Variants in ARB2A observed in about 807,000 individuals in gnomAD.
ARB2A encodes cotranscriptional regulator ARB2A.
chr5:93,670,842 T>C, the ARB2A span, among the ~76,000 whole-genome samples: 1 of 152,236 alleles, frequency 6.6e-6, no homozygotes, highest in African/African-American at 2.4e-5. Flanking sequence ...ATTATACACT[T>C]TACAATGCTG....
At chr5:93,768,862 G>A in the ARB2A span, among the ~76,000 whole-genome samples, 1 of 151,894 alleles carries the variant, frequency 6.6e-6, no homozygotes, top group African/African-American at 2.4e-5. Context: ...GAGAGTACAG[G>A]TATGAGCCAC....
the ARB2A span, among the ~76,000 whole-genome samples, chr5:93,877,606 T>C: frequency 6.6e-6 from 1 of 152,106 alleles, no homozygotes; most frequent in South Asian, 2.1e-4. Flanking sequence ...TGGAGAGGCA[T>C]GAAAATAATT....
At chr5:93,770,896 T>C in the ARB2A span, among the ~76,000 whole-genome samples, 3 of 152,092 alleles carry the variant, frequency 2.0e-5, no homozygotes, top group South Asian at 2.1e-4. Context: ...ATTTATAGAT[T>C]CAATGCCATC....
At chr5:93,951,881 C>T in the ARB2A span, among the ~76,000 whole-genome samples, 2 of 152,056 alleles carry the variant, frequency 1.3e-5, no homozygotes, top group African/African-American at 4.8e-5. Context: ...TTCCTAAATG[C>T]CTAAAAGATT....
At chr5:93,767,155 G>A in the ARB2A span, among the ~76,000 whole-genome samples, 5 of 152,102 alleles carry the variant, frequency 3.3e-5, no homozygotes, top group South Asian at 4.1e-4. Flanking sequence ...TAACCTGCAC[G>A]TTGTGCACAT....
chr5:93,720,734 A>G, the ARB2A span, among the ~76,000 whole-genome samples: 1 of 152,234 alleles, frequency 6.6e-6, no homozygotes, highest in Non-Finnish European at 1.5e-5. Context: ...TAACTTTAAC[A>G]GAGTGAGAAA....
the ARB2A span, among the ~76,000 whole-genome samples, chr5:93,704,444 G>A: frequency 1.3e-5 from 2 of 152,154 alleles, no homozygotes; most frequent in Non-Finnish European, 1.5e-5. Flanking sequence ...TGCACCTGTA[G>A]TTCCAGCTAC....
At chr5:94,059,484 G>A in the ARB2A span, among the ~76,000 whole-genome samples, 2 of 151,826 alleles carry the variant, frequency 1.3e-5, no homozygotes, top group Admixed American at 6.6e-5. Context: ...AGCTGGGTGT[G>A]GTGGCACGCG....
At chr5:93,804,660 T>A in the ARB2A span, among the ~76,000 whole-genome samples, 2 of 151,836 alleles carry the variant, frequency 1.3e-5, no homozygotes, top group South Asian at 4.2e-4. Context: ...ATATATATAT[T>A]GTTCATTTAT....
the ARB2A span, chr5:93,735,497 G>A: frequency 6.6e-6 from 1 of 152,344 alleles, no homozygotes; most frequent in South Asian, 2.1e-4. Flanking sequence ...AGGAGCAGCT[G>A]AGGTCAGTGC....
chr5:94,042,941 T>C, the ARB2A span, among the ~76,000 whole-genome samples: 2 of 152,184 alleles, frequency 1.3e-5, no homozygotes, highest in Non-Finnish European at 2.9e-5. Flanking sequence ...AATTGTTACA[T>C]AAAATCACTG....
At chr5:93,876,702 G>C in the ARB2A span, among the ~76,000 whole-genome samples, 4 of 151,722 alleles carry the variant, frequency 2.6e-5, no homozygotes, top group South Asian at 6.2e-4. Flanking sequence ...AAATAAAATA[G>C]TTTCAGAAAT....
the ARB2A span, among the ~76,000 whole-genome samples, chr5:93,998,163 C>CATCT: frequency 6.6e-5 from 10 of 152,028 alleles, no homozygotes; most frequent in East Asian, 1.7e-3. Context: ...TGAGAAGGCC[C>CATCT]ATCTGCACAT....
At chr5:93,855,903 A>G in the ARB2A span, among the ~76,000 whole-genome samples, 1 of 152,018 alleles carries the variant, frequency 6.6e-6, no homozygotes, top group Non-Finnish European at 1.5e-5. Flanking sequence ...TAAAAAGCAG[A>G]GCACCTCTCC....
the ARB2A span, among the ~76,000 whole-genome samples, chr5:93,762,930 A>C: frequency 1.3e-5 from 2 of 152,208 alleles, no homozygotes; most frequent in Non-Finnish European, 2.9e-5. Flanking sequence ...TTCAACCCAG[A>C]ATTTCATATC....
chr5:93,695,716 C>A, the ARB2A span, among the ~76,000 whole-genome samples: 1 of 152,252 alleles, frequency 6.6e-6, no homozygotes, highest in East Asian at 1.9e-4. Context: ...AATCATTCTA[C>A]CAGAAAGACA....
the ARB2A span, among the ~76,000 whole-genome samples, chr5:93,721,440 C>A: frequency 2.6e-5 from 4 of 152,114 alleles, no homozygotes; most frequent in African/African-American, 9.7e-5. Context: ...TAGCATTAGT[C>A]TGCTCTTTTT....
the ARB2A span, among the ~76,000 whole-genome samples, chr5:93,996,667 CT>C: frequency 6.6e-6 from 1 of 152,000 alleles, no homozygotes; most frequent in African/African-American, 2.4e-5. Context: ...AACTGCTTCC[CT>C]AAAATTAGAT....
the ARB2A span, among the ~76,000 whole-genome samples, chr5:93,801,091 C>G: frequency 6.6e-6 from 1 of 152,102 alleles, no homozygotes; most frequent in Non-Finnish European, 1.5e-5. Context: ...ATGAATCACA[C>G]TAACTCTTGA....
Sources: allele counts gnomAD v4.1 joint callset (sites outside exome capture counted in the v4.1 genomes callset), GRCh38; gene constraint gnomAD v4.1.1; transcripts MANE v1.5; gene names NCBI Gene and HGNC (gene_info 2026-07-23, HGNC 2026-07-21).